Variants in LGSN observed in about 807,000 individuals in gnomAD.
The protein encoded by LGSN is lengsin.
A neutral mutation model predicts 19.5 loss-of-function variants in LGSN; 21 were observed. The observed-to-expected ratio is 1.07, with a 90% CI of 0.76 to 1.55. The LOEUF (loss-of-function observed/expected upper bound fraction) is 1.55. Ranked by LOEUF, LGSN falls within the 40% of genes most tolerant of loss-of-function variation. The pLI, the probability that LGSN is intolerant of heterozygous loss-of-function variation, is 0.00. For missense variants in LGSN, 673 were observed against 608.5 expected (o/e 1.11, Z -1.12); for synonymous variants, 257 against 215.6 (o/e 1.19, Z -1.68).
chr6:63,451,508 C>T, the LGSN span, among the ~76,000 whole-genome samples: 1 of 152,066 alleles, frequency 6.6e-6, no homozygotes, highest in Non-Finnish European at 1.5e-5. Flanking sequence ...CCAAATACCA[C>T]ATAGTTGTAG....
chr6:63,375,415 T>C, the LGSN span, among the ~76,000 whole-genome samples: 14 of 151,074 alleles, frequency 9.3e-5, no homozygotes, highest in African/African-American at 2.9e-4. Context: ...ATATTTATAT[T>C]ATTATATAGC....
At chr6:63,308,151 A>G (rs183291786) in intron 1 of LGSN, among the ~76,000 whole-genome samples, 1 of 152,308 alleles carries the variant, frequency 6.6e-6, no homozygotes, top group East Asian at 1.9e-4. Context: ...TTCATGCTTA[A>G]TTTGGACAAT....
At chr6:63,572,517 G>A in the LGSN span, 3 of 391,210 alleles carry the variant, frequency 7.7e-6, no homozygotes, top group Non-Finnish European at 1.4e-5. Flanking sequence ...GCTGCGGGCC[G>A]GCTCGGCTAC....
the LGSN span, among the ~76,000 whole-genome samples, chr6:63,476,276 CTCAGCA>C: frequency 6.6e-6 from 1 of 152,138 alleles, no homozygotes; most frequent in African/African-American, 2.4e-5. Flanking sequence ...ATCTAACAAC[CTCAGCA>C]TACAAAGCTT....
At chr6:63,415,660 G>A in the LGSN span, among the ~76,000 whole-genome samples, 2 of 152,186 alleles carry the variant, frequency 1.3e-5, no homozygotes, top group African/African-American at 4.8e-5. Flanking sequence ...TTCAAGGTGA[G>A]GTTTGAGTGG....
At chr6:63,487,264 C>A in the LGSN span, among the ~76,000 whole-genome samples, 7 of 152,240 alleles carry the variant, frequency 4.6e-5, no homozygotes, top group South Asian at 1.5e-3. Flanking sequence ...GCTACCACAC[C>A]CGGCCTGTCT....
chr6:63,412,762 AG>A, the LGSN span, among the ~76,000 whole-genome samples: 188 of 18,142 alleles, frequency 0.01, 7 homozygotes, highest in Admixed American at 0.019. Context: ...AAAGAAAGAA[AG>A]AAAGAAAGGA....
chr6:63,306,197 C>T (rs1322392314), intron 1 of LGSN, among the ~76,000 whole-genome samples: 1 of 152,062 alleles, frequency 6.6e-6, no homozygotes, highest in Non-Finnish European at 1.5e-5. Flanking sequence ...TTATTATCAC[C>T]TACATTTTTT....
intron 2 of LGSN, among the ~76,000 whole-genome samples, chr6:63,286,834 T>A (rs957013753): frequency 6.6e-6 from 1 of 152,218 alleles, no homozygotes; most frequent in Non-Finnish European, 1.5e-5. Flanking sequence ...TTCTCATCAA[T>A]AACATATGAC....
the LGSN span, among the ~76,000 whole-genome samples, chr6:63,453,004 T>C: frequency 2.6e-5 from 4 of 152,168 alleles, no homozygotes; most frequent in Admixed American, 6.5e-5. Context: ...TTTGGTTTCA[T>C]TCAAAATATT....
chr6:63,508,085 T>C, the LGSN span, among the ~76,000 whole-genome samples: 1 of 152,228 alleles, frequency 6.6e-6, no homozygotes, highest in East Asian at 1.9e-4. Flanking sequence ...TGTTACACAT[T>C]TAACTAGTTC....
chr6:63,349,582 A>C, the LGSN span, among the ~76,000 whole-genome samples: 1 of 152,190 alleles, frequency 6.6e-6, no homozygotes, highest in African/African-American at 2.4e-5. Context: ...GGAGAGATTC[A>C]AACTATGATT....
At chr6:63,495,469 T>TTTTTTTTTTTTTTTTTTTTTTTCTTTTG in the LGSN span, among the ~76,000 whole-genome samples, 1 of 119,306 alleles carries the variant, frequency 8.4e-6, no homozygotes, top group African/African-American at 3.4e-5. Context: ...TTTTTTTTTT[T>TTTTTTTTTTTTTTTTTTTTTTTCTTTTG]TTTTTTTGAG....
intron 1 of LGSN, among the ~76,000 whole-genome samples, chr6:63,308,936 TATTA>T (rs1203070382): frequency 6.6e-6 from 1 of 152,254 alleles, no homozygotes. Flanking sequence ...CACAAACTTG[TATTA>T]ATTACTTTAA....
the LGSN span, among the ~76,000 whole-genome samples, chr6:63,437,856 G>A: frequency 1.2e-4 from 19 of 152,046 alleles, no homozygotes; most frequent in African/African-American, 3.4e-4. Flanking sequence ...CTTGAGCTCC[G>A]GAGGCGGAGG....
At chr6:63,332,176 G>T in the LGSN span, among the ~76,000 whole-genome samples, 1 of 152,260 alleles carries the variant, frequency 6.6e-6, no homozygotes, top group Admixed American at 6.5e-5. Flanking sequence ...GGCAAAAATT[G>T]TGTCTTTCTG....
the LGSN span, among the ~76,000 whole-genome samples, chr6:63,418,546 C>T: frequency 2.0e-5 from 3 of 152,092 alleles, no homozygotes; most frequent in African/African-American, 4.8e-5. Flanking sequence ...GGCGACAGAG[C>T]GAGACTCCGT....
chr6:63,571,114 A>G, the LGSN span: 1 of 152,176 alleles, frequency 6.6e-6, no homozygotes, highest in Non-Finnish European at 1.5e-5. Flanking sequence ...TTTCTTCCAA[A>G]TGACGAAGAG....
chr6:63,562,789 A>T, the LGSN span, among the ~76,000 whole-genome samples: 2 of 152,184 alleles, frequency 1.3e-5, no homozygotes, highest in African/African-American at 4.8e-5. Context: ...ACCCTCAGAA[A>T]TAGTGTCTTT....
Sources: allele counts gnomAD v4.1 joint callset (sites outside exome capture counted in the v4.1 genomes callset), GRCh38; gene constraint gnomAD v4.1.1; transcripts MANE v1.5; gene names NCBI Gene and HGNC (gene_info 2026-07-23, HGNC 2026-07-21).